SAP30BP: variants seen among roughly 807,000 people sequenced by gnomAD.
The protein encoded by SAP30BP is SAP30-binding protein.
SAP30BP carries 31 observed loss-of-function variants against 46.3 expected under a neutral mutation model. The ratio of observed to expected loss-of-function variants is 0.67; its 90% CI spans 0.50 to 0.90. The LOEUF (loss-of-function observed/expected upper bound fraction) is 0.90. Ranked by LOEUF, SAP30BP falls within the 40% of genes least tolerant of loss-of-function variation. The pLI is 0.00. For synonymous variants in SAP30BP, 169 were observed against 144.2 expected (o/e 1.17, Z -1.23); for missense variants, 312 against 391.0 (o/e 0.80, Z 1.70).
At chr17:75,680,735 A>G (rs2060063967) in intron 3 of SAP30BP, among the ~76,000 whole-genome samples, 1 of 152,208 alleles carries the variant, frequency 6.6e-6, no homozygotes, top group African/African-American at 2.4e-5. Context: ...CCTCTGGAAC[A>G]AAAAGAAATG....
rs559416385 is a variant in SAP30BP at position 75,692,019 on chromosome 17, C to T, written c.265-1421C>T. 57 of 157,692 alleles carry T rather than the reference C, an allele frequency of 3.6e-4. No individual in the cohort carries two copies. The South Asian group carries it at 7.9e-3, about 22-fold the overall frequency. 9.8% of individuals were successfully genotyped at this position (157,692 alleles called of 1,614,324 possible). On this transcript the variant is annotated intron_variant, in intron 3 of 10. Transcript: ENST00000584667. ...AGTTGGTGTGGCAGTCCTCCAGGCG[C>T]GCCTCCCTGCCTGCTCCCAGCCTCC...
intron 3 of SAP30BP, among the ~76,000 whole-genome samples, chr17:75,674,710 T>TTTTTTTTTTTTTTTTTTTTTTG (rs2059963316): frequency 8.0e-6 from 1 of 124,912 alleles, no homozygotes; most frequent in Non-Finnish European, 1.7e-5. Flanking sequence ...TTTTTTTTTT[T>TTTTTTTTTTTTTTTTTTTTTTG]TTTTTTTTTT....
Position 75,706,307 on chromosome 17 carries a change from G to C in SAP30BP, c.746-33G>C. 1 of 1,602,194 alleles carries C rather than the reference G, an allele frequency of 6.2e-7. No homozygotes were observed. The highest frequency in any genetic ancestry group is 2.2e-5 in the East Asian group (1 of 44,826). ...GGGAAAGAGGGCACCGCTCATTGGT[G>C]GATCGTGATCCTGATTTCTGCTTTA... On this transcript the variant is annotated intron_variant, in intron 10 of 10. Transcript: ENST00000584667. The surrounding 1 kb of genome is among the most constrained non-coding windows in gnomAD (Gnocchi z 4.6).
At chr17:75,693,226 T>C in intron 3 of SAP30BP, 1 of 552,620 alleles carries the variant, frequency 1.8e-6, no homozygotes, top group Non-Finnish European at 3.3e-6. Context: ...GAGACCGGCG[T>C]GGGGCTCGGG....
intron 3 of SAP30BP, chr17:75,691,356 C>G: frequency 2.2e-6 from 1 of 448,454 alleles, no homozygotes; most frequent in South Asian, 1.6e-5. Flanking sequence ...GGATAAAATA[C>G]TTCCTGTGAT....
In SAP30BP at chr17:75,694,943, G is replaced by T. The variant is rs150354529; in HGVS notation, c.307+1461G>T. Among the ~76,000 whole-genome samples the T allele has an allele frequency of 5.0e-4, 76 of 152,268 alleles. 1 individual carries two copies. The highest frequency in any genetic ancestry group is 1.6e-3 in the African/African-American group (66 of 41,540). On this transcript the variant is annotated intron_variant, in intron 4 of 10. Coordinates refer to ENST00000584667, the MANE Select transcript of SAP30BP (RefSeq NM_013260.8). ...ATAGAGTAAGACTTGCCAATTTTAC[G>T]TGTGCCATTTTATGAATTTTGACAA...
intron 6 of SAP30BP, 62 bp from the exon 7 acceptor site, chr17:75,703,249 G>C: frequency 3.4e-6 from 5 of 1,489,926 alleles, no homozygotes; most frequent in Non-Finnish European, 4.7e-6. Context: ...GGAGCTGGAT[G>C]GTTCAGGTCC....
At chr17:75,705,358 C>CG in intron 9 of SAP30BP, 1 of 163,828 alleles carries the variant, frequency 6.1e-6, no homozygotes, top group South Asian at 1.6e-4. Context: ...GTCTCAGAGC[C>CG]GGGCATCAGG....
At chr17:75,695,407 C>T (rs189863542) in intron 4 of SAP30BP, among the ~76,000 whole-genome samples, 2 of 152,296 alleles carry the variant, frequency 1.3e-5, no homozygotes, top group Admixed American at 6.5e-5. Context: ...TCACTCAGCA[C>T]GGTGCTTGCA....
intron 3 of SAP30BP, among the ~76,000 whole-genome samples, chr17:75,683,054 A>T (rs2444840): frequency 0.86 from 120,542 of 140,356 alleles, 53,543 homozygotes; most frequent in East Asian, 0.99. Context: ...TTATTTATTT[A>T]TTTTTTTTGA....
intron 3 of SAP30BP, chr17:75,690,723 C>T (rs1331917092): frequency 4.4e-6 from 2 of 456,684 alleles, no homozygotes; most frequent in South Asian, 3.1e-5. Context: ...GCTCATGGCC[C>T]AGCTTGTTGG....
chr17:75,703,100 A>G, intron 6 of SAP30BP: 1 of 575,890 alleles, frequency 1.7e-6, no homozygotes, highest in Non-Finnish European at 3.1e-6. Context: ...GACAAAACTC[A>G]GCCGTCACCT....
intron 4 of SAP30BP, among the ~76,000 whole-genome samples, chr17:75,699,500 C>T (rs1394439906): frequency 2.7e-5 from 4 of 147,552 alleles, no homozygotes; most frequent in African/African-American, 1.0e-4. Flanking sequence ...CTGACCCCGT[C>T]TCTTTAAAAA....
At position 75,668,569 on chromosome 17, in the gene SAP30BP, C is replaced by T; in HGVS notation, c.160C>T (p.Leu54=). 1 of 1,605,198 alleles carries T rather than the reference C, an allele frequency of 6.2e-7. No homozygotes were observed. The highest frequency in any genetic ancestry group is 8.5e-7 in the Non-Finnish European group (1 of 1,176,718). The change falls in exon 2 of 11, where the codon CTA becomes TTA. Residue 54 remains leucine, a synonymous_variant. Coordinates refer to ENST00000584667, the MANE Select transcript of SAP30BP (RefSeq NM_013260.8). ...DAYGEDDFSR[L]GGDEDGYEEE... ...CTATGGGGAGGATGACTTTTCTCGTCTAGGGGGTGATGAAGATGGTTATGA... is the reference window on the plus strand; with the variant it reads ...CTATGGGGAGGATGACTTTTCTCGTTTAGGGGGTGATGAAGATGGTTATGA...
chr17:75,674,284 T>TTTTA (rs937645176), intron 3 of SAP30BP, among the ~76,000 whole-genome samples: 47 of 152,000 alleles, frequency 3.1e-4, no homozygotes, highest in Non-Finnish European at 6.0e-4. Context: ...TACATTTTAT[T>TTTTA]TTTATTTATT....
intron 3 of SAP30BP, among the ~76,000 whole-genome samples, chr17:75,683,308 A>C (rs1035132593): frequency 4.6e-5 from 7 of 151,688 alleles, no homozygotes; most frequent in Non-Finnish European, 8.8e-5. Flanking sequence ...CAGCCTCCCA[A>C]AGTGCTGGGA....
In SAP30BP at chr17:75,707,591, C is replaced by G. The variant is rs924740125; in HGVS notation, c.*1070C>G. On this transcript the variant is annotated 3_prime_UTR_variant, in exon 11 of 11. Coordinates refer to ENST00000584667, the MANE Select transcript of SAP30BP (RefSeq NM_013260.8). ...TTAGAAAGGTGGTTCTGAAATGGCA[C>G]CTGGTACTCTTGTGGGACCTGGGGA... The G allele has an allele frequency of 6.5e-6, 1 of 152,762 alleles. No homozygotes were observed. Among genetic ancestry groups the G allele is most frequent in the Non-Finnish European group, 1.5e-5 (1 of 68,064 alleles). The allele number at this position is 152,762 out of a possible 1,614,324, so 9.5% of individuals were successfully genotyped here.
At chr17:75,699,689 A>G (rs2060377655) in intron 4 of SAP30BP, 94 bp from the exon 5 acceptor site, 3 of 813,022 alleles carry the variant, frequency 3.7e-6, no homozygotes, top group Admixed American at 1.8e-5. Flanking sequence ...GTTTATCCCT[A>G]CCTGATAACA....
chr17:75,692,460 C>T, intron 3 of SAP30BP: 1 of 985,456 alleles, frequency 1.0e-6, no homozygotes. Flanking sequence ...CACGTGTGGC[C>T]CTTGAGATTG....
Sources: allele counts gnomAD v4.1 joint callset (sites outside exome capture counted in the v4.1 genomes callset), GRCh38; gene constraint gnomAD v4.1.1; non-coding constraint Gnocchi (gnomAD v3.1); transcripts MANE v1.5; gene names NCBI Gene and HGNC (gene_info 2026-07-23, HGNC 2026-07-21).